Variants in KIAA0586 observed in about 807,000 individuals in gnomAD.
The protein encoded by KIAA0586 is KIAA0586, also known as protein TALPID3.
Under a neutral mutation model 169.8 loss-of-function variants are expected in KIAA0586, and 144 were observed. That is an observed-to-expected ratio of 0.85 (90% CI 0.74 to 0.97). The LOEUF (loss-of-function observed/expected upper bound fraction) is 0.97. Among genes scored for constraint, KIAA0586 ranks in the 50% least tolerant of loss-of-function variants. The pLI is 0.00. For missense variants in KIAA0586, 1,854 were observed against 1,823.0 expected, an observed-to-expected ratio of 1.02 and a Z score of -0.31; for synonymous variants, 625 against 612.4, an observed-to-expected ratio of 1.02 and a Z score of -0.30.
chr14:58,479,685 A>G (rs2041895286), intron 20 of KIAA0586, among the ~76,000 whole-genome samples: 1 of 152,142 alleles, frequency 6.6e-6, no homozygotes, highest in Non-Finnish European at 1.5e-5. Flanking sequence ...GTATATTTTG[A>G]GTTAAGTTTT....
Position 58,444,190 on chromosome 14 carries a change from TCCAG to T in KIAA0586, c.807+16_807+19del. On this transcript the variant is annotated intron_variant, in intron 6 of 30. Transcript: ENST00000652326. ...TAGATATTCAGGTATCTGTAATAAA[TCCAG>T]TACAGATTCCATAATCTTTTATCAC... 6.7e-7 allele frequency: 1 copy of T among 1,502,288 alleles called. No homozygotes were observed. The highest frequency in any genetic ancestry group is 9.2e-7 in the Non-Finnish European group (1 of 1,081,826). 93.1% of individuals were successfully genotyped at this position (1,502,288 alleles called of 1,614,324 possible).
intron 28 of KIAA0586, among the ~76,000 whole-genome samples, chr14:58,511,417 G>C (rs2044374314): frequency 6.6e-6 from 1 of 152,158 alleles, no homozygotes; most frequent in Non-Finnish European, 1.5e-5. Context: ...TGAGGAAATT[G>C]AGGTATTGAG....
chr14:58,484,893 T>TATATATATA (rs2042282333), intron 21 of KIAA0586, among the ~76,000 whole-genome samples: 4 of 4,768 alleles, frequency 8.4e-4, no homozygotes, highest in African/African-American at 2.0e-3. Context: ...TATATATTTA[T>TATATATATA]ATATATATAT....
Position 58,456,755 on chromosome 14 carries a change from A to C in KIAA0586, c.1307A>C (p.Asp436Ala). The C allele has an allele frequency of 6.2e-7, 1 of 1,606,364 alleles. No individual in the cohort carries two copies. The highest frequency in any genetic ancestry group is 8.5e-7 in the Non-Finnish European group (1 of 1,176,080). Residue 436 changes from aspartate (D) to alanine (A), a missense_variant, in exon 10 of 31, where the codon GAT becomes GCT. By Grantham distance (126) the Asp-to-Ala change is moderately radical. Transcript: ENST00000652326. ...ACTAAAGTGACTATGCAGAAGTCTG[A>C]TGATGTTCTTCATGACCTTGGCCAA... ...ETTKVTMQKS[D>A]DVLHDLGQKE...
intron 7 of KIAA0586, 88 bp downstream of exon 7, chr14:58,448,581 G>C (rs1271435872): frequency 1.1e-6 from 1 of 870,500 alleles, no homozygotes; most frequent in East Asian, 2.9e-5. Context: ...TTCCTGAGCA[G>C]TAGGAGTTTT....
At chr14:58,436,075 C>T (rs1202838633) in intron 4 of KIAA0586, among the ~76,000 whole-genome samples, 1 of 152,002 alleles carries the variant, frequency 6.6e-6, no homozygotes, top group African/African-American at 2.4e-5. Context: ...CCCTGTTTAA[C>T]AGTAAAATTG....
At chr14:58,506,869 C>T (rs1353308597) in intron 27 of KIAA0586, among the ~76,000 whole-genome samples, 1 of 131,222 alleles carries the variant, frequency 7.6e-6, no homozygotes, top group African/African-American at 2.9e-5. Flanking sequence ...AGGCTGGGTG[C>T]AGTGCAGTGG....
chr14:58,469,749 A>T (rs1566846985), intron 16 of KIAA0586, among the ~76,000 whole-genome samples: 2 of 152,356 alleles, frequency 1.3e-5, no homozygotes, highest in South Asian at 4.1e-4. Flanking sequence ...AAGGACATGA[A>T]TAAGACTCTA....
intron 6 of KIAA0586, among the ~76,000 whole-genome samples, chr14:58,447,041 G>A (rs1246105174): frequency 3.3e-5 from 5 of 152,036 alleles, no homozygotes; most frequent in Non-Finnish European, 7.4e-5. Flanking sequence ...GTAACTTAAT[G>A]ACTTTCTAAT....
At chr14:58,489,013 T>G in intron 24 of KIAA0586, 139 bp downstream of exon 24, 1 of 860,586 alleles carries the variant, frequency 1.2e-6, no homozygotes, top group South Asian at 1.8e-5. Context: ...CTCAATGCAA[T>G]TTAGTTAACT....
chr14:58,451,904 C>T (rs562900139), intron 8 of KIAA0586, among the ~76,000 whole-genome samples: 2 of 152,236 alleles, frequency 1.3e-5, no homozygotes, highest in South Asian at 2.1e-4. Context: ...AGGATGGTCT[C>T]GATCTCCTGA....
In KIAA0586 at chr14:58,474,712, G is replaced by T; in HGVS notation, c.2740G>T (p.Val914Phe). 1 of 1,613,458 alleles carries T rather than the reference G, an allele frequency of 6.2e-7. No homozygotes were observed. The highest frequency in any genetic ancestry group is 8.5e-7 in the Non-Finnish European group (1 of 1,179,636). ...ATATAATGGTCCTCCATTTCCGCCA[G>T]TTGCTTCTACTTTTCAGCCCACTGC... ...TKYNGPPFPP[V>F]ASTFQPTADI... is the part of the protein sequence containing the mutation. Residue 914 changes from valine (V) to phenylalanine (F), a missense_variant, in exon 19 of 31, where the codon GTT (valine) becomes TTT (phenylalanine). Coordinates refer to ENST00000652326, the MANE Select transcript of KIAA0586 (RefSeq NM_001329943.3).
chr14:58,541,970 A>C (rs1356363742), intron 30 of KIAA0586, among the ~76,000 whole-genome samples: 2 of 152,242 alleles, frequency 1.3e-5, no homozygotes, highest in African/African-American at 4.8e-5. Flanking sequence ...GCATCAAACT[A>C]TATTTAATAG....
chr14:58,480,062 T>C (rs147792709), intron 20 of KIAA0586, among the ~76,000 whole-genome samples: 44 of 152,234 alleles, frequency 2.9e-4, no homozygotes, highest in African/African-American at 9.9e-4. Flanking sequence ...TTCTCCCTCA[T>C]AGACTATCCT....
chr14:58,459,522 T>C (rs2040156333), intron 12 of KIAA0586, among the ~76,000 whole-genome samples: 1 of 152,156 alleles, frequency 6.6e-6, no homozygotes, highest in Non-Finnish European at 1.5e-5. Context: ...TTTTTTAAAC[T>C]GTTAGCAAAA....
intron 25 of KIAA0586, among the ~76,000 whole-genome samples, chr14:58,491,832 A>T (rs2042852815): frequency 1.3e-5 from 2 of 152,258 alleles, no homozygotes; most frequent in African/African-American, 4.8e-5. Flanking sequence ...AAAAACAATG[A>T]TATCATATAA....
intron 15 of KIAA0586, among the ~76,000 whole-genome samples, chr14:58,467,418 A>G (rs1361870965): frequency 6.6e-6 from 1 of 152,182 alleles, no homozygotes; most frequent in East Asian, 1.9e-4. Flanking sequence ...TTACTTTGAT[A>G]TGTAGAAGTC....
At chr14:58,558,157 C>T in the KIAA0586 span, among the ~76,000 whole-genome samples, 32 of 151,982 alleles carry the variant, frequency 2.1e-4, no homozygotes, top group Admixed American at 9.2e-4. Context: ...GTGACCCGCC[C>T]GCCTTGGCCT....
rs966015773 is a variant in KIAA0586, at chr14:58,450,615, A to G, written c.998A>G (p.Lys333Arg). 6.2e-7 allele frequency: 1 copy of G among 1,610,424 alleles called. No homozygotes were observed. Among genetic ancestry groups the G allele is most frequent in the South Asian group, 1.1e-5 (1 of 90,316 alleles). The part of the protein sequence containing the change: ...LKEVEDTSFD[K>R]QKSPLETPAP... ...GAAGTTGAAGATACGAGTTTTGATAAACAGAAATCTCCTTTGGAGACACCA... is the reference window on the plus strand; with the variant it reads ...GAAGTTGAAGATACGAGTTTTGATAGACAGAAATCTCCTTTGGAGACACCA... The change falls in exon 8 of 31, where the codon AAA becomes AGA. Residue 333 changes from lysine to arginine, a missense_variant. Transcript: ENST00000652326.
Sources: allele counts gnomAD v4.1 joint callset (sites outside exome capture counted in the v4.1 genomes callset), GRCh38; gene constraint gnomAD v4.1.1; transcripts MANE v1.5; gene names NCBI Gene and HGNC (gene_info 2026-07-23, HGNC 2026-07-21).